WDR70: variants seen among roughly 807,000 people sequenced by gnomAD.
The protein encoded by WDR70 is WD repeat-containing protein 70.
WDR70 carries 53 observed loss-of-function variants against 88.6 expected under a neutral mutation model. The ratio of observed to expected loss-of-function variants is 0.60; its 90% CI spans 0.48 to 0.75. The LOEUF (loss-of-function observed/expected upper bound fraction) is 0.75. WDR70 is among the 30% of genes least tolerant of loss of function. WDR70 has a pLI of 0.00. For synonymous variants in WDR70, 280 were observed against 270.0 expected (o/e 1.04, Z -0.36); for missense variants, 610 against 823.2 (o/e 0.74, Z 3.17).
chr5:37,588,443 A>G (rs1178800804), intron 9 of WDR70, among the ~76,000 whole-genome samples: 1 of 151,998 alleles, frequency 6.6e-6, no homozygotes, highest in East Asian at 1.9e-4. Context: ...GAAAAAAGGA[A>G]CCCCATCACC....
chr5:37,582,824 C>T (rs1243525964), intron 9 of WDR70, among the ~76,000 whole-genome samples: 1 of 152,212 alleles, frequency 6.6e-6, no homozygotes, highest in Non-Finnish European at 1.5e-5. Flanking sequence ...AACTGGAAAA[C>T]ATATGGAGAG....
At chr5:37,676,747 A>C (rs1318976295) in intron 10 of WDR70, among the ~76,000 whole-genome samples, 1 of 151,638 alleles carries the variant, frequency 6.6e-6, no homozygotes, top group Non-Finnish European at 1.5e-5. Context: ...TGCTGGCCTC[A>C]TAAAATGAGT....
chr5:37,544,780 T>G (rs920264270), intron 9 of WDR70, among the ~76,000 whole-genome samples: 46 of 152,316 alleles, frequency 3.0e-4, no homozygotes, highest in African/African-American at 1.1e-3. Context: ...GATGTGAGGG[T>G]TTCTCTTATA....
chr5:37,689,103 C>A (rs188588716), intron 10 of WDR70, among the ~76,000 whole-genome samples: 2 of 152,318 alleles, frequency 1.3e-5, no homozygotes, highest in African/African-American at 2.4e-5. Context: ...AGTCTGAGAT[C>A]GAACTTCAAG....
At position 37,611,781 on chromosome 5, in the gene WDR70, CTTTTTT is replaced by C. The variant is rs66689730; in HGVS notation, c.1092+6553_1092+6558del. Among the ~76,000 whole-genome samples the C allele has an allele frequency of 4.3e-3, 544 of 126,870 alleles. 3 individuals carry two copies. Among genetic ancestry groups the C allele is most frequent in the Non-Finnish European group, 7.2e-3 (417 of 57,936 alleles). The allele number at this position is 126,870 out of a possible 152,430, so 83.2% of individuals were successfully genotyped here. On this transcript the variant is annotated intron_variant, in intron 10 of 17. Coordinates refer to ENST00000265107, the MANE Select transcript of WDR70 (RefSeq NM_018034.4). ...CCTTTGAGATTATTTTGATTTCAGC[CTTTTTT>C]TTTTTTTTTAAAAAAAAACTTCTTT... is the stretch of plus-strand genomic sequence containing the variant.
At chr5:37,527,763 A>G (rs956046753) in intron 9 of WDR70, among the ~76,000 whole-genome samples, 2 of 152,250 alleles carry the variant, frequency 1.3e-5, no homozygotes, top group Admixed American at 6.5e-5. Flanking sequence ...CAGAATCTAG[A>G]AAGAACTCAA....
At chr5:37,435,716 C>T (rs1231369147) in intron 5 of WDR70, among the ~76,000 whole-genome samples, 1 of 152,320 alleles carries the variant, frequency 6.6e-6, no homozygotes, top group East Asian at 1.9e-4. Context: ...TCTCTTGCCT[C>T]TCACTTACCA....
chr5:37,511,526 G>T (rs1328793074), intron 8 of WDR70, among the ~76,000 whole-genome samples: 1 of 151,822 alleles, frequency 6.6e-6, no homozygotes, highest in African/African-American at 2.4e-5. Context: ...TTTGCAAGAA[G>T]CCCTGGTTCC....
chr5:37,683,743 A>T (rs1746505996), intron 10 of WDR70, among the ~76,000 whole-genome samples: 1 of 152,018 alleles, frequency 6.6e-6, no homozygotes, highest in Admixed American at 6.6e-5. Flanking sequence ...TTTGTAGGTG[A>T]CCTGATTTTT....
At chr5:37,712,380 A>G (rs939517027) in intron 13 of WDR70, among the ~76,000 whole-genome samples, 2 of 152,074 alleles carry the variant, frequency 1.3e-5, no homozygotes, top group Non-Finnish European at 2.9e-5. Flanking sequence ...TTTCAGATTC[A>G]TTGCAAATAG....
chr5:37,672,838 G>A (rs572510356), intron 10 of WDR70, among the ~76,000 whole-genome samples: 4 of 152,088 alleles, frequency 2.6e-5, no homozygotes, highest in African/African-American at 7.2e-5. Context: ...TCAGTCTCTC[G>A]TCCCACCTGA....
intron 17 of WDR70, among the ~76,000 whole-genome samples, chr5:37,735,850 A>G (rs1748291153): frequency 6.6e-6 from 1 of 152,196 alleles, no homozygotes; most frequent in Non-Finnish European, 1.5e-5. Context: ...GCTTTATCAC[A>G]GAAAAGCACA....
At chr5:37,394,356 A>T (rs529175187) in intron 4 of WDR70, among the ~76,000 whole-genome samples, 54 of 151,948 alleles carry the variant, frequency 3.6e-4, no homozygotes, top group African/African-American at 1.3e-3. Flanking sequence ...CATAAGGGGG[A>T]AAATTTTGGA....
rs1277344229 is a variant in WDR70, at chr5:37,626,868, T to C, written c.1092+21630T>C. On this transcript the variant is annotated intron_variant, in intron 10 of 17. Coordinates refer to ENST00000265107, the MANE Select transcript of WDR70 (RefSeq NM_018034.4). ...TTTATAGGTTGTATGTGTCCAGGAA[T>C]TTATTCATTTCCTTTAAATTTTCAA... 2.0e-5 allele frequency among the ~76,000 whole-genome samples: 3 copies of C among 152,180 alleles called. No homozygotes were observed. The East Asian group carries it at 5.8e-4, about 29-fold the overall frequency.
intron 10 of WDR70, among the ~76,000 whole-genome samples, chr5:37,616,578 T>C (rs753011029): frequency 2.0e-5 from 3 of 152,170 alleles, no homozygotes; most frequent in Non-Finnish European, 4.4e-5. Flanking sequence ...CCAACATCCG[T>C]TGAAGAAGGC....
At chr5:37,472,615 C>T (rs1401427156) in intron 7 of WDR70, among the ~76,000 whole-genome samples, 1 of 152,020 alleles carries the variant, frequency 6.6e-6, no homozygotes, top group Non-Finnish European at 1.5e-5. Flanking sequence ...TTGCCTCAGC[C>T]TCCCTAGTAG....
intron 10 of WDR70, among the ~76,000 whole-genome samples, chr5:37,695,915 C>G (rs1160631868): frequency 6.6e-6 from 1 of 152,184 alleles, no homozygotes; most frequent in Non-Finnish European, 1.5e-5. Context: ...CTTTCTTGCC[C>G]TCACCTCCTG....
At chr5:37,427,904 G>A (rs1256530230) in intron 5 of WDR70, among the ~76,000 whole-genome samples, 1 of 152,100 alleles carries the variant, frequency 6.6e-6, no homozygotes, top group Admixed American at 6.5e-5. Flanking sequence ...AGCTTTTCCT[G>A]TTGCTAGGTA....
rs556427906 is a variant in WDR70 at position 37,679,130 on chromosome 5, C to T, written c.1093-18525C>T. ...GTATTGGTTATTCTAGTTATACATT[C>T]GTCTAAATTTTTTTCAAAGTTTTTA... On this transcript the variant is annotated intron_variant, in intron 10 of 17. Transcript: ENST00000265107. 1.9e-3 allele frequency among the ~76,000 whole-genome samples: 293 copies of T among 152,084 alleles called. 1 individual carries two copies. Among genetic ancestry groups the T allele is most frequent in the African/African-American group, 6.8e-3 (281 of 41,534 alleles).
Sources: gnomAD v4.1 joint callset for allele counts (sites outside exome capture counted in the v4.1 genomes callset) on GRCh38, gnomAD v4.1.1 for gene constraint, MANE v1.5 for transcripts, NCBI Gene and HGNC (gene_info 2026-07-23, HGNC 2026-07-21) for gene names.